LPP: variants seen among roughly 807,000 people sequenced by gnomAD.
LPP encodes the protein LIM domain containing preferred translocation partner in lipoma.
LPP carries 38 observed loss-of-function variants against 60.4 expected under a neutral mutation model. That is an observed-to-expected ratio of 0.63 (90% CI 0.49 to 0.83). The LOEUF is 0.83. Among genes scored for constraint, LPP ranks in the 40% least tolerant of loss-of-function variants. The pLI is 0.00. For missense variants in LPP, 902 were observed against 783.6 expected, an observed-to-expected ratio of 1.15 and a Z score of -1.80; for synonymous variants, 328 against 290.8, an observed-to-expected ratio of 1.13 and a Z score of -1.30.
chr3:188,761,532 C>CA (rs1379466743), intron 9 of LPP, among the ~76,000 whole-genome samples: 27 of 152,150 alleles, frequency 1.8e-4, no homozygotes, highest in Admixed American at 1.8e-3. Flanking sequence ...ATCTTAAAAT[C>CA]ATTTGCGTAA....
At chr3:188,314,462 G>C (rs1033745632) in intron 2 of LPP, among the ~76,000 whole-genome samples, 2 of 151,860 alleles carry the variant, frequency 1.3e-5, no homozygotes, top group Non-Finnish European at 2.9e-5. Context: ...AATCTTGTTA[G>C]TATTCTTGCT....
chr3:188,237,829 A>G lies in LPP; in HGVS notation c.-67+12302A>G, dbSNP rs546978079. On this transcript the variant is annotated intron_variant, in intron 2 of 11. Coordinates refer to ENST00000617246, the MANE Select transcript of LPP (RefSeq NM_001375462.1). Reference sequence around the variant, plus strand: ...AGGACCCTAAGATTTTCAGAATGGTAAATGAGCATTTGCTTCAACTTAAAG... The same window carrying G: ...AGGACCCTAAGATTTTCAGAATGGTGAATGAGCATTTGCTTCAACTTAAAG... Among the ~76,000 whole-genome samples, 27 of 152,336 alleles carry G rather than the reference A, an allele frequency of 1.8e-4. No homozygotes were observed. In the South Asian group the frequency reaches 1.9e-3, roughly 11 times the overall value.
chr3:188,506,663 C>G (rs997511139), intron 5 of LPP, among the ~76,000 whole-genome samples: 1 of 152,168 alleles, frequency 6.6e-6, no homozygotes, highest in African/African-American at 2.4e-5. Flanking sequence ...GAGAGCTGGT[C>G]CTAACCACAA....
chr3:188,271,505 G>A (rs1280898782), intron 2 of LPP, among the ~76,000 whole-genome samples: 5 of 152,186 alleles, frequency 3.3e-5, no homozygotes, highest in Non-Finnish European at 5.9e-5. Flanking sequence ...GTAATCGGAT[G>A]AGACACTTTG....
intron 3 of LPP, among the ~76,000 whole-genome samples, chr3:188,389,773 C>T: frequency 8.9e-5 from 1 of 11,294 alleles, no homozygotes; most frequent in Admixed American, 1.6e-3. Context: ...GGGACTCCGT[C>T]TCAAAAAAAA....
chr3:188,524,893 GTCCGTCCTTCCTTCCTTCCTTCCT>G (rs1433598479), intron 6 of LPP, 106 bp downstream of exon 6: 2 of 226,686 alleles, frequency 8.8e-6, no homozygotes, highest in African/African-American at 9.8e-5. Flanking sequence ...CCTTCCTTCC[GTCCGTCCTTCCTTCCTTCCTTCCT>G]TCCTTCCTTC....
intron 9 of LPP, among the ~76,000 whole-genome samples, chr3:188,801,215 C>G (rs946778568): frequency 6.6e-6 from 1 of 152,158 alleles, no homozygotes; most frequent in African/African-American, 2.4e-5. Context: ...CTGTCCTAGG[C>G]TCTACAATGT....
intron 8 of LPP, among the ~76,000 whole-genome samples, chr3:188,719,990 G>A (rs1374842527): frequency 6.6e-6 from 1 of 152,204 alleles, no homozygotes; most frequent in Non-Finnish European, 1.5e-5. Context: ...TTGGCTCACT[G>A]CAACCTCCAC....
intron 7 of LPP, among the ~76,000 whole-genome samples, chr3:188,626,454 C>T (rs1348725324): frequency 6.6e-6 from 1 of 152,090 alleles, no homozygotes; most frequent in African/African-American, 2.4e-5. Flanking sequence ...TGATCCCCTG[C>T]AGATATGAAG....
chr3:188,450,221 G>C lies in LPP; in HGVS notation c.194-34371G>C, dbSNP rs570431706. 1.2e-4 allele frequency among the ~76,000 whole-genome samples: 18 copies of C among 152,222 alleles called. 1 individual carries two copies. Among genetic ancestry groups the C allele is most frequent in the East Asian group, 1.9e-4 (1 of 5,186 alleles). On this transcript the variant is annotated intron_variant, in intron 4 of 11. Coordinates refer to ENST00000617246, the MANE Select transcript of LPP (RefSeq NM_001375462.1). ...GACATTGGTATTAGTTTTTTCTACAGATGAGAAAACAATTACATACTTTTA... is the reference window on the plus strand; with the variant it reads ...GACATTGGTATTAGTTTTTTCTACACATGAGAAAACAATTACATACTTTTA...
chr3:188,687,826 G>T (rs202111842), intron 7 of LPP, among the ~76,000 whole-genome samples: 1 of 147,456 alleles, frequency 6.8e-6, no homozygotes, highest in African/African-American at 2.5e-5. Context: ...CCAGGCTGGG[G>T]TGCAGTGGCA....
intron 3 of LPP, among the ~76,000 whole-genome samples, chr3:188,374,283 A>G (rs1307200068): frequency 7.2e-5 from 11 of 152,230 alleles, no homozygotes; most frequent in Non-Finnish European, 1.5e-4. Flanking sequence ...CATTGAATCT[A>G]TAAATTACCT....
chr3:188,398,137 C>T (rs1198479245), intron 3 of LPP, among the ~76,000 whole-genome samples: 1 of 151,932 alleles, frequency 6.6e-6, no homozygotes, highest in East Asian at 1.9e-4. Context: ...CCCTACCTTC[C>T]CTCATCTACA....
In LPP at chr3:188,766,298, C is replaced by T. The variant is rs567341028; in HGVS notation, c.1410+6016C>T. On this transcript the variant is annotated intron_variant, in intron 9 of 11. Coordinates refer to ENST00000617246, the MANE Select transcript of LPP (RefSeq NM_001375462.1). ...ACCTGACTCATGCTTTCCAGTATCA[C>T]AGAACCTGAAATGCTAAACTTCTAC... Among the ~76,000 whole-genome samples, 3 of 150,292 alleles carry T rather than the reference C, an allele frequency of 2.0e-5. No individual in the cohort carries two copies. In the Admixed American group the frequency reaches 2.0e-4, roughly 10 times the overall value.
intron 6 of LPP, among the ~76,000 whole-genome samples, chr3:188,557,424 A>G (rs936750558): frequency 6.6e-6 from 1 of 152,120 alleles, no homozygotes; most frequent in African/African-American, 2.4e-5. Context: ...AACTGTGTCC[A>G]TGGACAGAAT....
intron 7 of LPP, among the ~76,000 whole-genome samples, chr3:188,638,898 C>T (rs1393956282): frequency 1.3e-5 from 2 of 152,120 alleles, no homozygotes; most frequent in African/African-American, 2.4e-5. Flanking sequence ...ATTCCATGCT[C>T]ATGGATAAGA....
intron 3 of LPP, among the ~76,000 whole-genome samples, chr3:188,383,804 C>A (rs938546927): frequency 2.6e-5 from 4 of 152,024 alleles, no homozygotes; most frequent in Non-Finnish European, 5.9e-5. Flanking sequence ...CTTTGGAATT[C>A]ATTATATATT....
At chr3:188,805,421 T>A (rs1378326174) in intron 9 of LPP, among the ~76,000 whole-genome samples, 2 of 144,054 alleles carry the variant, frequency 1.4e-5, no homozygotes. Context: ...CATTTTAATG[T>A]CTGTAAGTAC....
At chr3:188,857,571 T>G (rs1764143453) in intron 9 of LPP, among the ~76,000 whole-genome samples, 8 of 152,242 alleles carry the variant, frequency 5.3e-5, no homozygotes, top group Admixed American at 5.2e-4. Flanking sequence ...TTATTATTTT[T>G]GGTGTATAAA....
Sources: allele counts gnomAD v4.1 joint callset (sites outside exome capture counted in the v4.1 genomes callset), GRCh38; gene constraint gnomAD v4.1.1; transcripts MANE v1.5; gene names NCBI Gene and HGNC (gene_info 2026-07-23, HGNC 2026-07-21).